SMYD3: variants seen among roughly 807,000 people sequenced by gnomAD.
SMYD3 encodes histone-lysine N-methyltransferase SMYD3.
Under a neutral mutation model 57.7 loss-of-function variants are expected in SMYD3, and 36 were observed. The ratio of observed to expected loss-of-function variants is 0.62; its 90% CI spans 0.48 to 0.82. The LOEUF is 0.82. SMYD3 is among the 40% of genes least tolerant of loss of function. The probability of loss-of-function intolerance (pLI) is 0.00; values close to 1 mark genes in which losing one functional copy is unlikely to be tolerated. For synonymous variants in SMYD3, 211 were observed against 195.0 expected (o/e 1.08, Z -0.68); for missense variants, 515 against 538.8 (o/e 0.96, Z 0.44).
At position 246,165,301 on chromosome 1, in the gene SMYD3, C is replaced by T. The variant is rs2062188998; in HGVS notation, c.531+161900G>A. On this transcript the variant is annotated intron_variant, in intron 5 of 11. Coordinates refer to ENST00000490107, the MANE Select transcript of SMYD3 (RefSeq NM_001167740.2). ...TGTAATTGTGAAAGGAGAGATGATT[C>T]AAAGATAAGTAGAGGAAGAGGTGGA... Among the ~76,000 whole-genome samples the T allele has an allele frequency of 2.0e-5, 3 of 152,110 alleles. No individual in the cohort carries two copies. In the South Asian group the frequency reaches 6.2e-4, roughly 32 times the overall value.
intron 8 of SMYD3, among the ~76,000 whole-genome samples, chr1:245,894,463 C>A (rs757693110): frequency 6.6e-6 from 1 of 152,058 alleles, no homozygotes; most frequent in Non-Finnish European, 1.5e-5. Context: ...TCACTCTTCA[C>A]AATACATCCT....
chr1:246,076,010 A>T (rs965570367), intron 5 of SMYD3, among the ~76,000 whole-genome samples: 15 of 151,986 alleles, frequency 9.9e-5, no homozygotes, highest in East Asian at 7.7e-4. Context: ...TACAATAAAA[A>T]TTTTTTTCAT....
chr1:245,996,165 A>G (rs904210262), intron 5 of SMYD3, among the ~76,000 whole-genome samples: 1 of 152,236 alleles, frequency 6.6e-6, no homozygotes, highest in Non-Finnish European at 1.5e-5. Flanking sequence ...CTGACTAAAA[A>G]GACCACAGAT....
intron 1 of SMYD3, among the ~76,000 whole-genome samples, chr1:246,494,274 G>A (rs1207894101): frequency 6.6e-6 from 1 of 152,168 alleles, no homozygotes; most frequent in African/African-American, 2.4e-5. Flanking sequence ...AGTCATAATG[G>A]TCTACTAAAC....
intron 8 of SMYD3, among the ~76,000 whole-genome samples, chr1:245,899,595 C>T (rs2054055055): frequency 1.3e-5 from 2 of 152,192 alleles, no homozygotes; most frequent in South Asian, 4.1e-4. Context: ...GTACTGTTTT[C>T]ATGACACCAT....
intron 10 of SMYD3, among the ~76,000 whole-genome samples, chr1:245,790,675 A>C (rs1442328878): frequency 2.0e-5 from 3 of 152,180 alleles, no homozygotes; most frequent in Non-Finnish European, 4.4e-5. Flanking sequence ...GATAAGCCAC[A>C]ATGGGGGATG....
At chr1:246,456,727 G>A (rs1176095340) in intron 1 of SMYD3, among the ~76,000 whole-genome samples, 1 of 152,198 alleles carries the variant, frequency 6.6e-6, no homozygotes, top group Admixed American at 6.5e-5. Context: ...CAGAAGGTGA[G>A]TGATAGCCAA....
intron 5 of SMYD3, chr1:246,193,554 C>T (rs1027496777): frequency 6.6e-6 from 1 of 152,430 alleles, no homozygotes; most frequent in African/African-American, 2.4e-5. Flanking sequence ...CATTCACTGA[C>T]CCACCCCCAT....
intron 10 of SMYD3, among the ~76,000 whole-genome samples, chr1:245,835,709 G>T: frequency 6.6e-6 from 1 of 152,148 alleles, no homozygotes; most frequent in East Asian, 1.9e-4. Flanking sequence ...CAATCTGCAG[G>T]GGCAGGGGAC....
chr1:246,218,374 A>C (rs1391828166), intron 5 of SMYD3, among the ~76,000 whole-genome samples: 1 of 152,152 alleles, frequency 6.6e-6, no homozygotes, highest in African/African-American at 2.4e-5. Flanking sequence ...CTGTAATCCC[A>C]GCACTTTGGG....
At chr1:245,900,949 TAGA>T (rs1487680313) in intron 8 of SMYD3, among the ~76,000 whole-genome samples, 3 of 152,234 alleles carry the variant, frequency 2.0e-5, no homozygotes, top group Admixed American at 2.0e-4. Flanking sequence ...AACAATAAAG[TAGA>T]TTGAATCTTC....
At chr1:245,920,382 C>T (rs906410760) in intron 7 of SMYD3, among the ~76,000 whole-genome samples, 1 of 151,054 alleles carries the variant, frequency 6.6e-6, no homozygotes, top group Non-Finnish European at 1.5e-5. Context: ...TCTAGAATTC[C>T]GTGATCACAG....
rs75882907 is a variant in SMYD3, at chr1:246,442,659, T to G, written c.164+64395A>C. ...ATCTAATGATAAAGAAATATACTGA[T>G]GTGAAATTGGAGACCAGTTGGAGGT... On this transcript the variant is annotated intron_variant, in intron 1 of 11. Coordinates refer to ENST00000490107, the MANE Select transcript of SMYD3 (RefSeq NM_001167740.2). Among the ~76,000 whole-genome samples, 15 of 152,262 alleles carry G rather than the reference T, an allele frequency of 9.9e-5. No individual in the cohort carries two copies. In the East Asian group the frequency reaches 2.5e-3, roughly 25 times the overall value.
chr1:246,024,283 A>G (rs566414793), intron 5 of SMYD3, among the ~76,000 whole-genome samples: 2 of 152,388 alleles, frequency 1.3e-5, no homozygotes, highest in African/African-American at 4.8e-5. Context: ...CAAAAGGTTA[A>G]AGATGTATTG....
chr1:246,065,003 A>G (rs1006388480), intron 5 of SMYD3, among the ~76,000 whole-genome samples: 14 of 152,190 alleles, frequency 9.2e-5, no homozygotes, highest in Non-Finnish European at 1.5e-5. Flanking sequence ...CTTTATTTGT[A>G]TCTTTGTGTG....
At chr1:245,773,263 T>C (rs1200587342) in intron 10 of SMYD3, among the ~76,000 whole-genome samples, 1 of 152,216 alleles carries the variant, frequency 6.6e-6, no homozygotes, top group Non-Finnish European at 1.5e-5. Flanking sequence ...GTAGTTGAGA[T>C]GATTCTGGGT....
chr1:246,165,790 T>C (rs2062198834), intron 5 of SMYD3, among the ~76,000 whole-genome samples: 1 of 152,174 alleles, frequency 6.6e-6, no homozygotes. Context: ...TATAGATATA[T>C]GAAATTTTTA....
intron 8 of SMYD3, among the ~76,000 whole-genome samples, chr1:245,892,186 A>G (rs1384008489): frequency 6.6e-6 from 1 of 152,202 alleles, no homozygotes; most frequent in African/African-American, 2.4e-5. Flanking sequence ...ACTGTTAAGA[A>G]AATTATGTGA....
At chr1:245,988,135 CACACA>C (rs2058741867) in intron 5 of SMYD3, among the ~76,000 whole-genome samples, 1 of 146,248 alleles carries the variant, frequency 6.8e-6, no homozygotes, top group African/African-American at 2.5e-5. Flanking sequence ...CACACACACA[CACACA>C]CCGCCACCCA....
Sources: gnomAD v4.1 joint callset for allele counts (sites outside exome capture counted in the v4.1 genomes callset) on GRCh38, gnomAD v4.1.1 for gene constraint, MANE v1.5 for transcripts, NCBI Gene and HGNC (gene_info 2026-07-23, HGNC 2026-07-21) for gene names.